Variants in GLRA3 observed in about 807,000 individuals in gnomAD.
The protein encoded by GLRA3 is glycine receptor alpha 3, also known as glycine receptor subunit alpha-3.
In GLRA3, 44 loss-of-function variants were observed where a neutral mutation model predicts 60.4. The ratio of observed to expected loss-of-function variants is 0.73; its 90% confidence interval spans 0.57 to 0.94. The LOEUF (loss-of-function observed/expected upper bound fraction) is 0.94, where lower values mean the gene tolerates loss of function less well. Among genes scored for constraint, GLRA3 ranks in the 40% least tolerant of loss-of-function variants. The probability of loss-of-function intolerance (pLI) is 0.00; values close to 1 mark genes in which losing one functional copy is unlikely to be tolerated. For missense variants in GLRA3, 508 were observed against 564.6 expected, an observed-to-expected ratio of 0.90 and a Z score of 1.02; for synonymous variants, 223 against 192.9, an observed-to-expected ratio of 1.16 and a Z score of -1.29.
At chr4:174,709,156 G>T (rs1474476067) in intron 5 of GLRA3, among the ~76,000 whole-genome samples, 1 of 151,952 alleles carries the variant, frequency 6.6e-6, no homozygotes, top group African/African-American at 2.4e-5. Context: ...AAAAATTCAG[G>T]TAATGGCATC....
intron 5 of GLRA3, among the ~76,000 whole-genome samples, chr4:174,689,559 A>G (rs4695948): frequency 0.98 from 148,466 of 151,518 alleles, 72,808 homozygotes; most frequent in East Asian, 1. Flanking sequence ...TAACTTCTCA[A>G]CCTCCCCCTC....
intron 7 of GLRA3, among the ~76,000 whole-genome samples, chr4:174,669,393 T>C (rs1247498304): frequency 1.3e-5 from 2 of 151,988 alleles, no homozygotes; most frequent in African/African-American, 4.8e-5. Context: ...GGAGCATGAA[T>C]AACTAGGCAA....
intron 3 of GLRA3, among the ~76,000 whole-genome samples, chr4:174,763,120 G>A (rs1184991898): frequency 6.6e-6 from 1 of 152,086 alleles, no homozygotes; most frequent in Non-Finnish European, 1.5e-5. Context: ...GTGACTTGGG[G>A]TTATTACAGT....
At position 174,642,454 on chromosome 4, in the gene GLRA3, A is replaced by T. The variant is rs949852685; in HGVS notation, c.*1332T>A. On this transcript the variant is annotated 3_prime_UTR_variant, in exon 10 of 10. Transcript: ENST00000274093. ...AAATAAATTTATGGTAAAAATAGTT[A>T]AAAAAATAGCAAAACTGAAAAAGAG... is the stretch of plus-strand genomic sequence containing the variant. The T allele has an allele frequency of 1.3e-5, 13 of 975,038 alleles. No homozygotes were observed. The highest frequency in any genetic ancestry group is 1.1e-4 in the African/African-American group (6 of 57,104). The allele number at this position is 975,038 out of a possible 1,614,324, so 60.4% of individuals were successfully genotyped here.
intron 1 of GLRA3, among the ~76,000 whole-genome samples, chr4:174,796,622 C>T (rs145116149): frequency 6.6e-6 from 1 of 151,880 alleles, no homozygotes; most frequent in African/African-American, 2.4e-5. Flanking sequence ...CTGAAACCTC[C>T]GCCTCCTGGG....
At chr4:174,724,520 G>A (rs984359138) in intron 4 of GLRA3, among the ~76,000 whole-genome samples, 1 of 151,996 alleles carries the variant, frequency 6.6e-6, no homozygotes, top group African/African-American at 2.4e-5. Flanking sequence ...CCTTACATCT[G>A]TCTTATAATT....
At chr4:174,691,111 T>G (rs1206971659) in intron 5 of GLRA3, among the ~76,000 whole-genome samples, 1 of 152,206 alleles carries the variant, frequency 6.6e-6, no homozygotes, top group Non-Finnish European at 1.5e-5. Flanking sequence ...TCCACAATGG[T>G]TGAACTTATT....
chr4:174,813,692 C>G, intron 1 of GLRA3, among the ~76,000 whole-genome samples: 1 of 152,308 alleles, frequency 6.6e-6, no homozygotes, highest in South Asian at 2.1e-4. Flanking sequence ...CTATTCTAAC[C>G]TCTTTCTATT....
At chr4:174,732,777 CTA>C (rs66878216) in intron 3 of GLRA3, among the ~76,000 whole-genome samples, 193 of 149,786 alleles carry the variant, frequency 1.3e-3, no homozygotes, top group Middle Eastern at 3.5e-3. Context: ...CTCTCTCTCT[CTA>C]TATATATATA....
rs555525699 is a variant in GLRA3 at position 174,774,483 on chromosome 4, C to G, written c.200-7453G>C. Among the ~76,000 whole-genome samples, 6 of 77,876 alleles carry G rather than the reference C, an allele frequency of 7.7e-5. No homozygotes were observed. In the East Asian group the frequency reaches 3.6e-3, roughly 46 times the overall value. 51.1% of individuals were successfully genotyped at this position (77,876 alleles called of 152,430 possible). On this transcript the variant is annotated intron_variant, in intron 2 of 9. Transcript: ENST00000274093. ...ACCAACTTAATCAGGTAATCATAAC[C>G]TGTAATGGCAAAATCTGACATGGTC... is the stretch of plus-strand genomic sequence containing the variant.
At chr4:174,682,777 G>A (rs755905866) in intron 6 of GLRA3, 25 bp downstream of exon 6, 1 of 1,560,408 alleles carries the variant, frequency 6.4e-7, no homozygotes, top group Admixed American at 1.7e-5. Flanking sequence ...AGTAGTAAGT[G>A]TAAAGAACAC....
intron 2 of GLRA3, among the ~76,000 whole-genome samples, chr4:174,768,447 C>T (rs1164122262): frequency 6.6e-6 from 1 of 152,034 alleles, no homozygotes; most frequent in African/African-American, 2.4e-5. Flanking sequence ...CTTATTAATG[C>T]CCGACTTAGT....
At chr4:174,750,867 G>A (rs945770341) in intron 3 of GLRA3, among the ~76,000 whole-genome samples, 4 of 151,988 alleles carry the variant, frequency 2.6e-5, no homozygotes, top group Non-Finnish European at 4.4e-5. Flanking sequence ...GAAATAAAGG[G>A]CCCAGGACAT....
intron 3 of GLRA3, among the ~76,000 whole-genome samples, chr4:174,730,735 T>TA (rs1403856208): frequency 6.6e-6 from 1 of 152,154 alleles, no homozygotes; most frequent in Non-Finnish European, 1.5e-5. Flanking sequence ...TTCTAAGTAA[T>TA]ACAAGGAAAA....
chr4:174,760,540 A>G (rs1454803898), intron 3 of GLRA3, among the ~76,000 whole-genome samples: 1 of 146,874 alleles, frequency 6.8e-6, no homozygotes, highest in African/African-American at 2.5e-5. Flanking sequence ...TTTTTTTTTG[A>G]GAGGGAGTCT....
rs114643295 is a variant in GLRA3, at chr4:174,688,127, A to T, written c.575-5188T>A. On this transcript the variant is annotated intron_variant, in intron 5 of 9. Coordinates refer to ENST00000274093, the MANE Select transcript of GLRA3 (RefSeq NM_006529.4). ...TAATTAACTATGTGTTTACAGAAAA[A>T]AAAGGAAAATTTCAAAGTTTTCAGT... 9.7e-3 allele frequency among the ~76,000 whole-genome samples: 1,479 copies of T among 151,794 alleles called. 24 individuals are homozygous for T. Among genetic ancestry groups the T allele is most frequent in the African/African-American group, 0.033 (1,382 of 41,432 alleles).
chr4:174,725,719 C>T (rs1267345227), intron 4 of GLRA3, among the ~76,000 whole-genome samples: 1 of 152,032 alleles, frequency 6.6e-6, no homozygotes, highest in African/African-American at 2.4e-5. Flanking sequence ...TGGGCTCAAG[C>T]AATTTGCCTG....
chr4:174,712,378 T>C (rs1392779565), intron 5 of GLRA3: 1 of 152,182 alleles, frequency 6.6e-6, no homozygotes, highest in Non-Finnish European at 1.5e-5. Context: ...TCTGAAATTC[T>C]TGAAACAGAG....
chr4:174,675,300 G>GA (rs1162837323), intron 7 of GLRA3, among the ~76,000 whole-genome samples: 2 of 151,940 alleles, frequency 1.3e-5, no homozygotes, highest in Admixed American at 6.6e-5. Context: ...TATTTCTTGA[G>GA]AAAAAAATAC....
Sources: gnomAD v4.1 joint callset for allele counts (sites outside exome capture counted in the v4.1 genomes callset) on GRCh38, gnomAD v4.1.1 for gene constraint, MANE v1.5 for transcripts, NCBI Gene and HGNC (gene_info 2026-07-23, HGNC 2026-07-21) for gene names.